SH3RF3: variants seen among roughly 807,000 people sequenced by gnomAD.
The protein encoded by SH3RF3 is E3 ubiquitin-protein ligase SH3RF3.
SH3RF3 carries 29 observed loss-of-function variants against 66.3 expected under a neutral mutation model. The observed-to-expected ratio is 0.44, with a 90% CI of 0.33 to 0.60. The LOEUF (loss-of-function observed/expected upper bound fraction) is 0.60. Ranked by LOEUF, SH3RF3 falls within the 20% of genes least tolerant of loss-of-function variation. The pLI, the probability that SH3RF3 is intolerant of heterozygous loss-of-function variation, is 0.04. For synonymous variants in SH3RF3, 583 were observed against 532.0 expected (o/e 1.10, Z -1.32); for missense variants, 1,194 against 1,190.9 (o/e 1.00, Z -0.04).
chr2:109,314,762 T>C (rs1681831922), intron 1 of SH3RF3, among the ~76,000 whole-genome samples: 1 of 152,238 alleles, frequency 6.6e-6, no homozygotes, highest in African/African-American at 2.4e-5. Context: ...CTGTAAATTA[T>C]TTTGCCATTT....
intron 1 of SH3RF3, among the ~76,000 whole-genome samples, chr2:109,210,385 C>T (rs765810335): frequency 5.9e-5 from 9 of 152,212 alleles, no homozygotes; most frequent in South Asian, 2.1e-4. Context: ...AAAGCCTGGT[C>T]TTTTCCGTGC....
At chr2:109,464,438 C>T (rs565043307) in intron 8 of SH3RF3, among the ~76,000 whole-genome samples, 11 of 152,214 alleles carry the variant, frequency 7.2e-5, no homozygotes, top group South Asian at 2.1e-4. Context: ...TACACACATT[C>T]GCGTACATAT....
intron 1 of SH3RF3, among the ~76,000 whole-genome samples, chr2:109,276,521 A>G (rs1680761663): frequency 6.6e-6 from 1 of 152,084 alleles, no homozygotes; most frequent in South Asian, 2.1e-4. Flanking sequence ...TTAGTGATGT[A>G]TTTTCTCACC....
At chr2:109,165,712 G>C (rs75354669) in intron 1 of SH3RF3, among the ~76,000 whole-genome samples, 2 of 152,164 alleles carry the variant, frequency 1.3e-5, no homozygotes, top group Non-Finnish European at 2.9e-5. Context: ...ATGGACGAGT[G>C]GGGAGGCTTT....
At chr2:109,330,361 T>A (rs955445383) in intron 1 of SH3RF3, among the ~76,000 whole-genome samples, 2 of 152,266 alleles carry the variant, frequency 1.3e-5, no homozygotes, top group African/African-American at 4.8e-5. Context: ...TTCCTTCTTT[T>A]TTTTTTCTTG....
intron 5 of SH3RF3, among the ~76,000 whole-genome samples, chr2:109,424,235 G>C (rs1676971119): frequency 6.6e-6 from 1 of 152,190 alleles, no homozygotes; most frequent in Admixed American, 6.5e-5. Flanking sequence ...CATTGGAAGT[G>C]AGCCAGCGCT....
chr2:109,155,156 T>C (rs894888309), intron 1 of SH3RF3, among the ~76,000 whole-genome samples: 1 of 152,194 alleles, frequency 6.6e-6, no homozygotes, highest in Non-Finnish European at 1.5e-5. Context: ...TGTTCGGTGG[T>C]GTTCGGCATT....
chr2:109,137,894 A>G (rs1432694466), intron 1 of SH3RF3, among the ~76,000 whole-genome samples: 1 of 152,266 alleles, frequency 6.6e-6, no homozygotes, highest in Admixed American at 6.5e-5. Flanking sequence ...ATGTGGGTTG[A>G]GGAAAGTACT....
chr2:109,145,092 G>A (rs1399578368), intron 1 of SH3RF3, among the ~76,000 whole-genome samples: 1 of 152,196 alleles, frequency 6.6e-6, no homozygotes, highest in Non-Finnish European at 1.5e-5. Context: ...GGGGCCTGGA[G>A]TCATCTCTGA....
intron 3 of SH3RF3, among the ~76,000 whole-genome samples, chr2:109,389,048 A>G (rs1573212588): frequency 6.6e-6 from 1 of 152,226 alleles, no homozygotes; most frequent in East Asian, 1.9e-4. Context: ...ATGCAGCATC[A>G]TAGGCCCAAG....
chr2:109,187,680 ATGATG>A (rs1487176562), intron 1 of SH3RF3, among the ~76,000 whole-genome samples: 1 of 152,204 alleles, frequency 6.6e-6, no homozygotes. Context: ...TGTTCACACA[ATGATG>A]TCACCCAAGG....
chr2:109,224,080 G>A (rs1318460978), intron 1 of SH3RF3, among the ~76,000 whole-genome samples: 1 of 152,198 alleles, frequency 6.6e-6, no homozygotes, highest in Non-Finnish European at 1.5e-5. Context: ...TAGCTTCAGG[G>A]TTTACCTAGC....
At position 109,129,647 on chromosome 2, in the gene SH3RF3, C is replaced by T. The variant is rs1445163345; in HGVS notation, c.107C>T (p.Ala36Val). The stretch of plus-strand genomic sequence containing the variant: ...GGCGAGCGACGGCGGCGTCGGGCGG[C>T]GGCCACCGCCGCGGGGGCGGGCGAG... Reference protein sequence around the residue: ...RPGERRRRRAAATAAGAGEDM... With the variant: ...RPGERRRRRAVATAAGAGEDM... Residue 36 changes from alanine (A) to valine (V), a missense_variant, in exon 1 of 10, where the codon GCG becomes GTG. Ala to Val is a moderately conservative substitution (Grantham distance 64, BLOSUM62 0). Coordinates refer to ENST00000309415, the MANE Select transcript of SH3RF3 (RefSeq NM_001099289.3). 1.5e-5 allele frequency: 22 copies of T among 1,498,940 alleles called. No individual in the cohort carries two copies. Among genetic ancestry groups the T allele is most frequent in the East Asian group, 2.7e-5 (1 of 36,500 alleles). The allele number at this position is 1,498,940 out of a possible 1,614,324, so 92.9% of individuals were successfully genotyped here.
rs551978433 is a variant in SH3RF3, at chr2:109,133,036, C to G, written c.573+2923C>G. 2.0e-5 allele frequency among the ~76,000 whole-genome samples: 3 copies of G among 152,272 alleles called. No individual in the cohort carries two copies. In the East Asian group the frequency reaches 5.8e-4, roughly 29 times the overall value. On this transcript the variant is annotated intron_variant, in intron 1 of 9. Coordinates refer to ENST00000309415, the MANE Select transcript of SH3RF3 (RefSeq NM_001099289.3). ...CAGTTCATGTAGACTCGGCTAGGCA[C>G]TATTATAGGTAAACAAGACTGGCTT...
At chr2:109,391,953 G>A (rs1275753714) in intron 3 of SH3RF3, among the ~76,000 whole-genome samples, 2 of 152,040 alleles carry the variant, frequency 1.3e-5, no homozygotes, top group East Asian at 3.9e-4. Context: ...GAGTAGCCAG[G>A]ACCACAGGTG....
At chr2:109,433,222 T>C (rs1346798851) in intron 6 of SH3RF3, among the ~76,000 whole-genome samples, 1 of 152,264 alleles carries the variant, frequency 6.6e-6, no homozygotes, top group Non-Finnish European at 1.5e-5. Context: ...TGTCATCATA[T>C]ATAGACGTGT....
chr2:109,229,226 TC>T (rs1411415155), intron 1 of SH3RF3, among the ~76,000 whole-genome samples: 1 of 152,158 alleles, frequency 6.6e-6, no homozygotes, highest in African/African-American at 2.4e-5. Flanking sequence ...GCTGTTCCCT[TC>T]CCCCTTTTTA....
At chr2:109,430,926 A>G (rs946393086) in intron 5 of SH3RF3, among the ~76,000 whole-genome samples, 14 of 152,228 alleles carry the variant, frequency 9.2e-5, no homozygotes, top group African/African-American at 2.9e-4. Flanking sequence ...GACACCTATC[A>G]ACAAAGGAAA....
chr2:109,194,239 A>G (rs1356768258), intron 1 of SH3RF3, among the ~76,000 whole-genome samples: 1 of 152,236 alleles, frequency 6.6e-6, no homozygotes, highest in Non-Finnish European at 1.5e-5. Context: ...CTTAGCATCC[A>G]TCAGCCTCAT....
Sources: gnomAD v4.1 joint callset for allele counts (sites outside exome capture counted in the v4.1 genomes callset) on GRCh38, gnomAD v4.1.1 for gene constraint, MANE v1.5 for transcripts, NCBI Gene and HGNC (gene_info 2026-07-23, HGNC 2026-07-21) for gene names.